HDAC9: variants seen among roughly 807,000 people sequenced by gnomAD.
HDAC9 encodes histone deacetylase 9.
In HDAC9, 41 loss-of-function variants were observed where a neutral mutation model predicts 139.4. The ratio of observed to expected loss-of-function variants is 0.29; its 90% CI spans 0.23 to 0.38. The LOEUF is 0.38. HDAC9 is among the 10% of genes least tolerant of loss of function. The pLI, the probability that HDAC9 is intolerant of heterozygous loss-of-function variation, is 1.00. For synonymous variants in HDAC9, 517 were observed against 476.2 expected (o/e 1.09, Z -1.12); for missense variants, 1,147 against 1,297.0 (o/e 0.88, Z 1.78).
At chr7:18,753,465 G>A (rs1788618112) in intron 14 of HDAC9, among the ~76,000 whole-genome samples, 2 of 151,990 alleles carry the variant, frequency 1.3e-5, no homozygotes, top group Non-Finnish European at 2.9e-5. Flanking sequence ...GTTTATTGGG[G>A]TTACTATTTG....
intron 23 of HDAC9, among the ~76,000 whole-genome samples, 160 bp downstream of exon 23, chr7:18,936,102 T>G (rs939725228): frequency 4.6e-5 from 7 of 152,240 alleles, no homozygotes; most frequent in African/African-American, 1.7e-4. Flanking sequence ...TGTTCTCGTA[T>G]ACTACAATGT....
chr7:18,138,560 G>GCACA (rs879287072), intron 1 of HDAC9, among the ~76,000 whole-genome samples: 3,646 of 143,310 alleles, frequency 0.025, 164 homozygotes, highest in African/African-American at 0.094. Flanking sequence ...GTGTGTGTGT[G>GCACA]TGTGCACATG....
At chr7:18,659,814 T>TA (rs1792555814) in intron 11 of HDAC9, among the ~76,000 whole-genome samples, 7 of 152,168 alleles carry the variant, frequency 4.6e-5, no homozygotes, top group Non-Finnish European at 1.0e-4. Flanking sequence ...TGCACATTTA[T>TA]CTGTCCCACA....
rs1424954008 is a variant in HDAC9 at position 18,872,624 on chromosome 7, C to G, written c.2685-1854C>G. ...AATTCACTTGCTTTTTGTGGCTTCT[C>G]TGTAGGCACTTATACTCTGTAGATC... On this transcript the variant is annotated intron_variant, in intron 21 of 25. Transcript: ENST00000686413. Among the ~76,000 whole-genome samples, 5 of 152,112 alleles carry G rather than the reference C, an allele frequency of 3.3e-5. No individual in the cohort carries two copies. The East Asian group carries it at 9.7e-4, about 29-fold the overall frequency.
At chr7:18,575,137 A>T (rs1825620168) in intron 2 of HDAC9, among the ~76,000 whole-genome samples, 1 of 152,126 alleles carries the variant, frequency 6.6e-6, no homozygotes. Context: ...CAAACTTCTT[A>T]ATTTACTTTT....
At chr7:18,591,121 A>AAT (rs1463157455) in intron 4 of HDAC9, among the ~76,000 whole-genome samples, 1 of 152,210 alleles carries the variant, frequency 6.6e-6, no homozygotes, top group African/African-American at 2.4e-5. Context: ...AGATTATTTT[A>AAT]ATGTGTTTAA....
intron 2 of HDAC9, among the ~76,000 whole-genome samples, chr7:18,256,078 C>T (rs987057703): frequency 6.6e-6 from 1 of 152,142 alleles, no homozygotes; most frequent in African/African-American, 2.4e-5. Context: ...GACTTTTCTT[C>T]TCTCAATATC....
At chr7:18,506,641 C>T (rs1799851938) in intron 2 of HDAC9, among the ~76,000 whole-genome samples, 1 of 151,462 alleles carries the variant, frequency 6.6e-6, no homozygotes, top group Non-Finnish European at 1.5e-5. Flanking sequence ...ATTATAAGCA[C>T]AATAAATATA....
intron 1 of HDAC9, among the ~76,000 whole-genome samples, chr7:18,131,087 A>T (rs1784970554): frequency 6.6e-6 from 1 of 152,154 alleles, no homozygotes; most frequent in South Asian, 2.1e-4. Flanking sequence ...AGAATTAGGA[A>T]TCCAAATGAG....
intron 12 of HDAC9, among the ~76,000 whole-genome samples, chr7:18,685,935 G>A (rs1189927861): frequency 6.6e-6 from 1 of 151,934 alleles, no homozygotes; most frequent in Non-Finnish European, 1.5e-5. Context: ...AAAGGTAGTA[G>A]GGATTGAAAG....
At chr7:18,679,599 C>T in intron 12 of HDAC9, among the ~76,000 whole-genome samples, 1 of 148,204 alleles carries the variant, frequency 6.7e-6, no homozygotes. Context: ...CTCTCTCCGT[C>T]TCTTTCTTTC....
At chr7:18,369,114 T>G (rs1784402007) in intron 1 of HDAC9, among the ~76,000 whole-genome samples, 1 of 152,136 alleles carries the variant, frequency 6.6e-6, no homozygotes, top group Admixed American at 6.6e-5. Context: ...ATGTTTAAAG[T>G]GAAAAGTATT....
chr7:18,738,349 T>C (rs1459085205), intron 13 of HDAC9, among the ~76,000 whole-genome samples: 1 of 152,230 alleles, frequency 6.6e-6, no homozygotes, highest in African/African-American at 2.4e-5. Flanking sequence ...AGTTTCTTCA[T>C]AGCATCAATG....
intron 2 of HDAC9, among the ~76,000 whole-genome samples, chr7:18,179,655 G>A (rs1789230528): frequency 6.6e-6 from 1 of 151,954 alleles, no homozygotes; most frequent in South Asian, 2.1e-4. Context: ...TACCTTATCT[G>A]TTTATCTATT....
intron 13 of HDAC9, among the ~76,000 whole-genome samples, chr7:18,733,224 T>G (rs924716790): frequency 5.4e-5 from 8 of 149,028 alleles, no homozygotes; most frequent in South Asian, 4.2e-4. Context: ...TATACGTATA[T>G]ACACATATAT....
intron 1 of HDAC9, among the ~76,000 whole-genome samples, chr7:18,487,660 C>G: frequency 6.6e-6 from 1 of 151,984 alleles, no homozygotes; most frequent in Non-Finnish European, 1.5e-5. Flanking sequence ...GTTTTAGGTA[C>G]TTGCTATTTC....
rs553862185 is a variant in HDAC9 at position 18,836,681 on chromosome 7, A to C, written c.2684+684A>C. On this transcript the variant is annotated intron_variant, in intron 21 of 25. Coordinates refer to ENST00000686413, the MANE Select transcript of HDAC9 (RefSeq NM_178425.4). Reference sequence around the variant, plus strand: ...CAAATCAAAGGCTTCTCTTTGAGAGAATTTTAAAAATGAGCATTTCTTCTC... The same window carrying C: ...CAAATCAAAGGCTTCTCTTTGAGAGCATTTTAAAAATGAGCATTTCTTCTC... 1.1e-4 allele frequency among the ~76,000 whole-genome samples: 16 copies of C among 152,294 alleles called. No individual in the cohort carries two copies. In the East Asian group the frequency reaches 1.7e-3, roughly 16 times the overall value.
chr7:18,940,053 A>C (rs1024144148), intron 23 of HDAC9, among the ~76,000 whole-genome samples: 2 of 152,154 alleles, frequency 1.3e-5, no homozygotes, highest in African/African-American at 4.8e-5. Context: ...GTTTTTGGCC[A>C]GGCCATGTCA....
At chr7:18,884,428 C>T (rs942327744) in intron 22 of HDAC9, among the ~76,000 whole-genome samples, 12 of 151,978 alleles carry the variant, frequency 7.9e-5, no homozygotes, top group African/African-American at 2.2e-4. Flanking sequence ...ACAACGATGG[C>T]GAGAACACTC....
Sources: allele counts gnomAD v4.1 joint callset (sites outside exome capture counted in the v4.1 genomes callset), GRCh38; gene constraint gnomAD v4.1.1; transcripts MANE v1.5; gene names NCBI Gene and HGNC (gene_info 2026-07-23, HGNC 2026-07-21).